The following FAM135B variants were observed in gnomAD, a reference collection of about 807,000 sequenced individuals.
The protein encoded by FAM135B is family with sequence similarity 135 member B.
Under a neutral mutation model 127.7 loss-of-function variants are expected in FAM135B, and 43 were observed. That is an observed-to-expected ratio of 0.34 (90% confidence interval 0.26 to 0.43). The LOEUF (loss-of-function observed/expected upper bound fraction) is 0.43, where lower values mean the gene tolerates loss of function less well. Ranked by LOEUF, FAM135B falls within the 20% of genes least tolerant of loss-of-function variation. FAM135B has a pLI of 1.00. For synonymous variants in FAM135B, 670 were observed against 665.1 expected (o/e 1.01, Z -0.11); for missense variants, 1,558 against 1,725.6 (o/e 0.90, Z 1.72).
intron 7 of FAM135B, among the ~76,000 whole-genome samples, chr8:138,197,928 T>C (rs1816794255): frequency 6.6e-6 from 1 of 152,060 alleles, no homozygotes; most frequent in South Asian, 2.1e-4. Context: ...ATATTCAAAT[T>C]AAAATAATAA....
intron 2 of FAM135B, among the ~76,000 whole-genome samples, chr8:138,327,547 T>C (rs968643449): frequency 3.9e-5 from 6 of 152,222 alleles, no homozygotes; most frequent in Non-Finnish European, 7.3e-5. Flanking sequence ...TCACAAGTCA[T>C]GCCAGTAATC....
chr8:138,492,101 G>A (rs970420828), intron 1 of FAM135B, among the ~76,000 whole-genome samples: 3 of 152,114 alleles, frequency 2.0e-5, no homozygotes, highest in African/African-American at 4.8e-5. Flanking sequence ...AGATCTCTCT[G>A]GCTGCCTTGT....
intron 1 of FAM135B, among the ~76,000 whole-genome samples, chr8:138,488,190 A>C (rs751986411): frequency 5.9e-5 from 9 of 152,146 alleles, no homozygotes; most frequent in Non-Finnish European, 5.9e-5. Flanking sequence ...TTACTTTTTA[A>C]ACGTAAAAGT....
At chr8:138,332,104 C>T (rs187387756) in intron 2 of FAM135B, among the ~76,000 whole-genome samples, 241 of 152,260 alleles carry the variant, frequency 1.6e-3, no homozygotes, top group Non-Finnish European at 2.8e-3. Context: ...GATCATCTGG[C>T]TCTGAGTCCA....
At chr8:138,237,896 T>G (rs1006709875) in intron 7 of FAM135B, among the ~76,000 whole-genome samples, 1 of 152,256 alleles carries the variant, frequency 6.6e-6, no homozygotes. Context: ...AACACACATA[T>G]ACAACTTATT....
intron 13 of FAM135B, among the ~76,000 whole-genome samples, chr8:138,149,079 T>C (rs1392509448): frequency 2.0e-5 from 3 of 151,386 alleles, no homozygotes; most frequent in Non-Finnish European, 4.4e-5. Flanking sequence ...TGTATACATA[T>C]GTAACAAACC....
chr8:138,399,710 T>C (rs928555022), intron 1 of FAM135B, among the ~76,000 whole-genome samples: 3 of 152,176 alleles, frequency 2.0e-5, no homozygotes, highest in Non-Finnish European at 4.4e-5. Flanking sequence ...CAGTTAATAC[T>C]AAATAATAGA....
upstream of FAM135B, among the ~76,000 whole-genome samples, chr8:138,497,657 C>G (rs1815449450): frequency 6.6e-6 from 1 of 152,164 alleles, no homozygotes; most frequent in Non-Finnish European, 1.5e-5. Context: ...TGGCCTTCAA[C>G]CAGCCAGCCG....
chr8:138,457,180 A>G lies in FAM135B; in HGVS notation c.-20+39491T>C, dbSNP rs371342139. 5.7e-4 allele frequency among the ~76,000 whole-genome samples: 87 copies of G among 152,212 alleles called. 1 individual carries two copies. The highest frequency in any genetic ancestry group is 3.4e-3 in the Middle Eastern group (1 of 294). On this transcript the variant is annotated intron_variant, in intron 1 of 19. Coordinates refer to ENST00000395297, the MANE Select transcript of FAM135B (RefSeq NM_015912.4). ...GGAGCCAGAAGAAAAGGAAGGGGGC[A>G]TGGGATGTAAGTGTGTGCCGACACA...
At chr8:138,338,691 A>C in intron 2 of FAM135B, among the ~76,000 whole-genome samples, 1 of 152,142 alleles carries the variant, frequency 6.6e-6, no homozygotes, top group Non-Finnish European at 1.5e-5. Flanking sequence ...CCATTGTGGA[A>C]GTCAGTGTGG....
At chr8:138,272,143 G>C (rs1008774768) in intron 3 of FAM135B, among the ~76,000 whole-genome samples, 1 of 152,004 alleles carries the variant, frequency 6.6e-6, no homozygotes, top group African/African-American at 2.4e-5. Flanking sequence ...TCAACATTTA[G>C]TACAGTATTT....
intron 6 of FAM135B, among the ~76,000 whole-genome samples, chr8:138,249,258 C>T (rs1249620276): frequency 2.0e-5 from 3 of 152,180 alleles, no homozygotes; most frequent in Non-Finnish European, 4.4e-5. Flanking sequence ...TGATAGTACT[C>T]TCTGTTGCTT....
In FAM135B at chr8:138,152,860, T is replaced by C. The variant is rs1204664824; in HGVS notation, c.1615A>G (p.Arg539Gly). ...TGTCCATCCTCTGGACCTGGACTCC[T>C]TCTAGAAGTATCCACATCTGCCACT... is the stretch of plus-strand genomic sequence containing the variant. ...YPVADVDTSR[R>G]SPGPEDGQAP... is the part of the protein sequence containing the mutation. Residue 539 changes from arginine to glycine, a missense_variant, in exon 13 of 20, where the codon AGG becomes GGG. Physicochemically the swap from Arg to Gly is moderately radical, Grantham distance 125. Coordinates refer to ENST00000395297, the MANE Select transcript of FAM135B (RefSeq NM_015912.4). 1.2e-6 allele frequency: 2 copies of C among 1,614,214 alleles called. No homozygotes were observed. The highest frequency in any genetic ancestry group is 1.1e-5 in the South Asian group (1 of 91,084).
At chr8:138,210,902 A>C (rs1353837479) in intron 7 of FAM135B, among the ~76,000 whole-genome samples, 1 of 152,160 alleles carries the variant, frequency 6.6e-6, no homozygotes, top group East Asian at 1.9e-4. Context: ...TCCTTACCTG[A>C]GCCTCACAGG....
chr8:138,446,286 C>A (rs1328244322), intron 1 of FAM135B, among the ~76,000 whole-genome samples: 1 of 152,066 alleles, frequency 6.6e-6, no homozygotes, highest in Non-Finnish European at 1.5e-5. Context: ...ACTTTCTTCA[C>A]AGAATTGGAA....
intron 7 of FAM135B, among the ~76,000 whole-genome samples, chr8:138,220,538 C>T (rs1050483630): frequency 1.3e-5 from 2 of 152,070 alleles, no homozygotes; most frequent in Admixed American, 1.3e-4. Flanking sequence ...TAATGACCTG[C>T]CTTATAGGTG....
intron 1 of FAM135B, among the ~76,000 whole-genome samples, chr8:138,446,673 T>TA (rs1391474445): frequency 6.6e-6 from 1 of 152,046 alleles, no homozygotes; most frequent in Non-Finnish European, 1.5e-5. Flanking sequence ...ATTAAAGACT[T>TA]ACATGTTAGA....
At chr8:138,389,105 T>C (rs1230255260) in intron 1 of FAM135B, among the ~76,000 whole-genome samples, 1 of 152,174 alleles carries the variant, frequency 6.6e-6, no homozygotes, top group East Asian at 1.9e-4. Context: ...CACAATGAGA[T>C]ATCACTTCAT....
chr8:138,150,706 G>T (rs1220042745), intron 13 of FAM135B, among the ~76,000 whole-genome samples: 2 of 146,788 alleles, frequency 1.4e-5, no homozygotes, highest in Non-Finnish European at 3.0e-5. Flanking sequence ...ATAAATAGTT[G>T]AACAAAATTT....
Sources: gnomAD v4.1 joint callset for allele counts (sites outside exome capture counted in the v4.1 genomes callset) on GRCh38, gnomAD v4.1.1 for gene constraint, MANE v1.5 for transcripts, NCBI Gene and HGNC (gene_info 2026-07-23, HGNC 2026-07-21) for gene names.